Variants in DDX4 observed in about 807,000 individuals in gnomAD.
The protein encoded by DDX4 is DEAD-box helicase 4, also known as probable ATP-dependent RNA helicase DDX4.
Under a neutral mutation model 100.0 loss-of-function variants are expected in DDX4, and 25 were observed. The ratio of observed to expected loss-of-function variants is 0.25; its 90% CI spans 0.18 to 0.35. The LOEUF (loss-of-function observed/expected upper bound fraction) is 0.35, where lower values mean the gene tolerates loss of function less well. DDX4 is among the 10% of genes least tolerant of loss of function. The pLI, the probability that DDX4 is intolerant of heterozygous loss-of-function variation, is 1.00. For synonymous variants in DDX4, 259 were observed against 275.7 expected, an observed-to-expected ratio of 0.94 and a Z score of 0.60; for missense variants, 635 against 882.4, an observed-to-expected ratio of 0.72 and a Z score of 3.55.
chr5:55,804,862 A>C (rs1189431677), intron 18 of DDX4, among the ~76,000 whole-genome samples: 1 of 152,104 alleles, frequency 6.6e-6, no homozygotes, highest in Non-Finnish European at 1.5e-5. Flanking sequence ...CTGTGAAGAA[A>C]GGCATTGGTA....
At chr5:55,761,611 T>G (rs947320095) in intron 4 of DDX4, among the ~76,000 whole-genome samples, 1 of 151,942 alleles carries the variant, frequency 6.6e-6, no homozygotes, top group Non-Finnish European at 1.5e-5. Context: ...TCCTTTTTTT[T>G]TTCTTTTTCT....
At chr5:55,782,567 C>T (rs1176757875) in intron 10 of DDX4, among the ~76,000 whole-genome samples, 3 of 151,726 alleles carry the variant, frequency 2.0e-5, no homozygotes, top group Admixed American at 6.6e-5. Context: ...CACTGCACTC[C>T]AGCCTGGTGA....
intron 3 of DDX4, among the ~76,000 whole-genome samples, chr5:55,758,235 A>G (rs1258039279): frequency 6.6e-6 from 1 of 152,070 alleles, no homozygotes; most frequent in African/African-American, 2.4e-5. Flanking sequence ...CTTTTTTTAG[A>G]TATGGTAGTG....
intron 7 of DDX4, chr5:55,773,254 T>G (rs1399847104): frequency 1.3e-5 from 2 of 152,274 alleles, no homozygotes; most frequent in African/African-American, 2.4e-5. Context: ...TCATGAGGGC[T>G]CTACTGTTGT....
At chr5:55,780,152 T>C in intron 8 of DDX4, 87 bp downstream of exon 8, 2 of 1,541,642 alleles carry the variant, frequency 1.3e-6, no homozygotes, top group Non-Finnish European at 1.7e-6. Context: ...AAGGTTGTTA[T>C]GAGGATTATA....
Position 55,780,202 on chromosome 5 carries a change from C to T in DDX4, c.496+137C>T. 3 of 1,322,838 alleles carry T rather than the reference C, an allele frequency of 2.3e-6. No individual in the cohort carries two copies. The African/African-American group carries it at 4.4e-5, about 19-fold the overall frequency. The allele number at this position is 1,322,838 out of a possible 1,614,324, so 81.9% of individuals were successfully genotyped here. A position where few individuals can be genotyped will look rare whatever the true frequency, so the allele number is the denominator to read the frequency against. ...CTCAGTGACTAATACACATTAATCA[C>T]CACATTGTATATAACATTATTTTTT... On this transcript the variant is annotated intron_variant, in intron 8 of 21. Coordinates refer to ENST00000505374, the MANE Select transcript of DDX4 (RefSeq NM_024415.3).
intron 3 of DDX4, among the ~76,000 whole-genome samples, chr5:55,750,737 A>T (rs1759504611): frequency 6.6e-6 from 1 of 152,132 alleles, no homozygotes; most frequent in Non-Finnish European, 1.5e-5. Flanking sequence ...TATGTTTTTA[A>T]ACGTGTGTTT....
intron 18 of DDX4, among the ~76,000 whole-genome samples, chr5:55,806,982 C>A (rs192489886): frequency 6.6e-4 from 101 of 152,278 alleles, no homozygotes; most frequent in African/African-American, 2.3e-3. Context: ...TCTCTAAGGA[C>A]TTGCTTTATG....
chr5:55,753,648 G>C (rs1163510809), intron 3 of DDX4, among the ~76,000 whole-genome samples: 1 of 148,084 alleles, frequency 6.8e-6, no homozygotes, highest in Non-Finnish European at 1.5e-5. Flanking sequence ...TTGACTTGGC[G>C]ATGCGGGCTC....
At chr5:55,743,623 T>C (rs1580504994) in intron 2 of DDX4, among the ~76,000 whole-genome samples, 1 of 152,098 alleles carries the variant, frequency 6.6e-6, no homozygotes, top group East Asian at 1.9e-4. Flanking sequence ...AGAGATGGGG[T>C]TACACCATGT....
Position 55,815,010 on chromosome 5 carries a change from G to T in DDX4, c.1825G>T (p.Val609Leu). ...VAARGLDIEN[V>L]QHVINFDLPS... The stretch of plus-strand genomic sequence containing the variant: ...TGCCAGAGGGCTGGATATTGAAAAT[G>T]TGCAACATGTTATCAATTTTGATCT... Residue 609 changes from valine (V) to leucine (L), a missense_variant, in exon 20 of 22, where the codon GTG (valine) becomes TTG (leucine). Around this residue, in one of 4 missense-constraint regions of DDX4, gnomAD observed 115 missense variants for 224.7 expected, o/e 0.51. Coordinates refer to ENST00000505374, the MANE Select transcript of DDX4 (RefSeq NM_024415.3). 1 of 1,614,112 alleles carries T rather than the reference G, an allele frequency of 6.2e-7. No homozygotes were observed. Among genetic ancestry groups the T allele is most frequent in the Non-Finnish European group, 8.5e-7 (1 of 1,179,950 alleles).
Position 55,750,716 on chromosome 5 carries a change from A to G in DDX4, c.127+4495A>G, listed in dbSNP as rs201275680. Reference sequence around the variant, plus strand: ...ACAGAAGGGAAGGGTGGAGGACATGACTGCTCTGTGTATGTTTTTAAACGT... The same window carrying G: ...ACAGAAGGGAAGGGTGGAGGACATGGCTGCTCTGTGTATGTTTTTAAACGT... On this transcript the variant is annotated intron_variant, in intron 3 of 21. Transcript: ENST00000505374. 1.8e-4 allele frequency among the ~76,000 whole-genome samples: 28 copies of G among 152,264 alleles called. No individual in the cohort carries two copies. The East Asian group carries it at 3.5e-3, about 19-fold the overall frequency.
chr5:55,795,573 C>T (rs899613861), intron 17 of DDX4, among the ~76,000 whole-genome samples: 1 of 152,186 alleles, frequency 6.6e-6, no homozygotes. Flanking sequence ...AGTTCAGGCC[C>T]AGCCTGGGCA....
chr5:55,807,496 G>A (rs1443774344), intron 18 of DDX4, among the ~76,000 whole-genome samples: 2 of 152,138 alleles, frequency 1.3e-5, no homozygotes, highest in African/African-American at 4.8e-5. Flanking sequence ...CTTCCTTCAG[G>A]AGCTCTTTTA....
At chr5:55,803,616 G>T (rs1457624951) in intron 18 of DDX4, among the ~76,000 whole-genome samples, 1 of 150,394 alleles carries the variant, frequency 6.6e-6, no homozygotes, top group African/African-American at 2.5e-5. Flanking sequence ...TGAGAATGAT[G>T]ATTTCCAATT....
chr5:55,782,020 C>A (rs781328679), intron 10 of DDX4, 39 bp downstream of exon 10: 8 of 1,607,400 alleles, frequency 5.0e-6, no homozygotes, highest in African/African-American at 1.3e-5. Flanking sequence ...AAGTTAAAAT[C>A]ATTGTATTCC....
intron 4 of DDX4, among the ~76,000 whole-genome samples, chr5:55,762,804 G>A (rs1740645877): frequency 6.6e-6 from 1 of 152,086 alleles, no homozygotes; most frequent in African/African-American, 2.4e-5. Context: ...AGTTAAACAG[G>A]ACACGAGTGT....
intron 15 of DDX4, 113 bp from the exon 16 acceptor site, chr5:55,790,463 T>G: frequency 1.3e-6 from 1 of 752,268 alleles, no homozygotes; most frequent in Non-Finnish European, 2.2e-6. Flanking sequence ...AATATTTTTT[T>G]AGATAGTTGA....
chr5:55,787,437 C>T (rs1561503454), intron 14 of DDX4, among the ~76,000 whole-genome samples: 4 of 152,144 alleles, frequency 2.6e-5, no homozygotes, highest in Admixed American at 1.3e-4. Flanking sequence ...AGTTTTTACT[C>T]TGTGGGCCAC....
Sources: allele counts gnomAD v4.1 joint callset (sites outside exome capture counted in the v4.1 genomes callset), GRCh38; gene constraint gnomAD v4.1.1; regional missense constraint gnomAD v4.1.1; transcripts MANE v1.5; gene names NCBI Gene and HGNC (gene_info 2026-07-23, HGNC 2026-07-21).